SLC30A6: variants seen among roughly 807,000 people sequenced by gnomAD.
SLC30A6 encodes solute carrier family 30 member 6.
In SLC30A6, 55 loss-of-function variants were observed where a neutral mutation model predicts 63.0. The ratio of observed to expected loss-of-function variants is 0.87; its 90% CI spans 0.70 to 1.09. The LOEUF is 1.09. Among genes scored for constraint, SLC30A6 ranks in the 50% least tolerant of loss-of-function variants. SLC30A6 has a pLI of 0.00. For synonymous variants in SLC30A6, 224 were observed against 186.1 expected (o/e 1.20, Z -1.66); for missense variants, 587 against 549.2 (o/e 1.07, Z -0.69).
intron 4 of SLC30A6, among the ~76,000 whole-genome samples, chr2:32,175,776 G>A (rs1005420906): frequency 3.3e-5 from 5 of 152,128 alleles, no homozygotes; most frequent in African/African-American, 4.8e-5. Flanking sequence ...AGGAGTTTAC[G>A]ACCAGCCTGG....
chr2:32,201,529 T>C (rs1056002366), intron 10 of SLC30A6: 3 of 739,722 alleles, frequency 4.1e-6, no homozygotes, highest in Non-Finnish European at 4.2e-6. Flanking sequence ...TGCCCCTGTT[T>C]CCTTTCACGT....
At chr2:32,167,656 A>T (rs1474839822) in intron 1 of SLC30A6, among the ~76,000 whole-genome samples, 1 of 150,408 alleles carries the variant, frequency 6.6e-6, no homozygotes, top group Non-Finnish European at 1.5e-5. Flanking sequence ...GTGCTTTTAT[A>T]TGCACAAACA....
chr2:32,210,591 A>T (rs977778326), intron 13 of SLC30A6, among the ~76,000 whole-genome samples: 8 of 151,476 alleles, frequency 5.3e-5, no homozygotes, highest in Non-Finnish European at 7.4e-5. Flanking sequence ...TGTTTAATTA[A>T]TTTATCATGA....
At chr2:32,184,410 G>T in intron 5 of SLC30A6, 72 bp downstream of exon 5, 1 of 817,000 alleles carries the variant, frequency 1.2e-6, no homozygotes, top group Non-Finnish European at 1.8e-6. Context: ...ACGATAAAGA[G>T]CTAGCTAGAG....
Position 32,197,543 on chromosome 2 carries a change from C to T in SLC30A6, c.545+151C>T, listed in dbSNP as rs531306378. 214 of 1,292,564 alleles carry T rather than the reference C, an allele frequency of 1.7e-4. 1 individual carries two copies. Among genetic ancestry groups the T allele is most frequent in the Non-Finnish European group, 1.6e-4 (143 of 922,110 alleles). The allele number at this position is 1,292,564 out of a possible 1,614,324, so 80.1% of individuals were successfully genotyped here. A position where few individuals can be genotyped will look rare whatever the true frequency, so the allele number is the denominator to read the frequency against. ...TTCTCCCTTTACTTTTTAATTGATA[C>T]AAAAGAGAACTTTATAAATGAAAGG... On this transcript the variant is annotated intron_variant, in intron 9 of 13. Transcript: ENST00000282587.
intron 4 of SLC30A6, among the ~76,000 whole-genome samples, chr2:32,177,254 C>A (rs1681837586): frequency 6.6e-6 from 1 of 152,170 alleles, no homozygotes; most frequent in South Asian, 2.1e-4. Context: ...AATATACAGT[C>A]CTTTATGACT....
intron 13 of SLC30A6, among the ~76,000 whole-genome samples, chr2:32,214,198 G>A (rs1197409893): frequency 2.0e-5 from 3 of 152,094 alleles, no homozygotes; most frequent in Non-Finnish European, 4.4e-5. Flanking sequence ...GCCTCCCAAA[G>A]TGCTGGGATT....
chr2:32,224,302 T>C lies in SLC30A6; in HGVS notation c.*3589T>C. On this transcript the variant is annotated 3_prime_UTR_variant, in exon 14 of 14. Coordinates refer to ENST00000282587, the MANE Select transcript of SLC30A6 (RefSeq NM_017964.5). ...AATGAGAATTCCTTCAAGGCGCCGA[T>C]AATCCTAGTAGGAGAGCTAAGACAC... 5.5e-6 allele frequency: 3 copies of C among 542,254 alleles called. No homozygotes were observed. The South Asian group carries it at 8.7e-5, about 16-fold the overall frequency. The allele number at this position is 542,254 out of a possible 1,614,324, so 33.6% of individuals were successfully genotyped here.
chr2:32,197,693 T>A lies in SLC30A6; in HGVS notation c.546-14T>A. 1 of 1,613,916 alleles carries A rather than the reference T, an allele frequency of 6.2e-7. No individual in the cohort carries two copies. Among genetic ancestry groups the A allele is most frequent in the Non-Finnish European group, 8.5e-7 (1 of 1,179,962 alleles). On this transcript the variant is annotated splice_polypyrimidine_tract_variant and intron_variant, in intron 9 of 13. Coordinates refer to ENST00000282587, the MANE Select transcript of SLC30A6 (RefSeq NM_017964.5). ...TTCTGCTAATGGATACTCTTTCTGT[T>A]TGTTTTTTCTTAGCTTGTGTGGAAT... is the stretch of plus-strand genomic sequence containing the variant.
intron 13 of SLC30A6, among the ~76,000 whole-genome samples, chr2:32,213,365 A>G (rs759859984): frequency 1.8e-4 from 26 of 148,016 alleles, no homozygotes; most frequent in Non-Finnish European, 2.8e-4. Context: ...TAGGGCTCAG[A>G]CTATTCCAGC....
At chr2:32,210,122 T>C (rs1014569186) in intron 13 of SLC30A6, among the ~76,000 whole-genome samples, 1 of 152,214 alleles carries the variant, frequency 6.6e-6, no homozygotes, top group Non-Finnish European at 1.5e-5. Flanking sequence ...TTAGGAATGA[T>C]GAGGAAAATA....
intron 13 of SLC30A6, among the ~76,000 whole-genome samples, chr2:32,215,195 T>G (rs995714961): frequency 6.6e-6 from 1 of 152,118 alleles, no homozygotes; most frequent in Non-Finnish European, 1.5e-5. Context: ...TATTTAATTT[T>G]ATTTACTCTC....
chr2:32,212,409 C>G (rs1401252692), intron 13 of SLC30A6, among the ~76,000 whole-genome samples: 1 of 151,750 alleles, frequency 6.6e-6, no homozygotes, highest in Non-Finnish European at 1.5e-5. Context: ...GGATTTGACC[C>G]TCTCTTCTTT....
intron 1 of SLC30A6, among the ~76,000 whole-genome samples, chr2:32,168,008 G>A (rs980642938): frequency 3.9e-5 from 6 of 152,152 alleles, no homozygotes; most frequent in Non-Finnish European, 7.3e-5. Context: ...GCTTTGTAGC[G>A]TGCCTGGCCC....
In SLC30A6 at chr2:32,210,655, T is replaced by C. The variant is rs78447051; in HGVS notation, c.885+1094T>C. Among the ~76,000 whole-genome samples, 11 of 151,332 alleles carry C rather than the reference T, an allele frequency of 7.3e-5. No individual in the cohort carries two copies. In the East Asian group the frequency reaches 2.1e-3, roughly 29 times the overall value. On this transcript the variant is annotated intron_variant, in intron 13 of 13. Transcript: ENST00000282587. ...CTACAGTATCATTAAAAAAAACAGA[T>C]AGGGTTTGATTTTTCTAATATAACA...
At chr2:32,209,686 T>C in intron 13 of SLC30A6, 125 bp downstream of exon 13, 1 of 762,632 alleles carries the variant, frequency 1.3e-6, no homozygotes, top group East Asian at 2.9e-5. Context: ...TTAAGCAGAG[T>C]CTAAAATGTA....
rs547100512 is a variant in SLC30A6, at chr2:32,191,985, G to A, written c.285-351G>A. On this transcript the variant is annotated intron_variant, in intron 5 of 13. Transcript: ENST00000282587. ...TGGGTCAATTAAGTGTTATTATTAT[G>A]ATTGTGATTATTTCTAGAAAATAAG... Among the ~76,000 whole-genome samples the A allele has an allele frequency of 4.3e-4, 66 of 151,968 alleles. 1 individual carries two copies. Among genetic ancestry groups the A allele is most frequent in the African/African-American group, 1.6e-3 (65 of 41,458 alleles).
intron 2 of SLC30A6, among the ~76,000 whole-genome samples, chr2:32,172,631 A>G (rs1174379794): frequency 6.6e-6 from 1 of 152,154 alleles, no homozygotes; most frequent in South Asian, 2.1e-4. Flanking sequence ...ACTTGCATCT[A>G]AGCAACTGAA....
At chr2:32,198,452 A>C (rs1683987562) in intron 10 of SLC30A6, among the ~76,000 whole-genome samples, 1 of 152,008 alleles carries the variant, frequency 6.6e-6, no homozygotes, top group African/African-American at 2.4e-5. Flanking sequence ...CTTTAACTGA[A>C]CCTATTTTCC....
Sources: gnomAD v4.1 joint callset for allele counts (sites outside exome capture counted in the v4.1 genomes callset) on GRCh38, gnomAD v4.1.1 for gene constraint, MANE v1.5 for transcripts, NCBI Gene and HGNC (gene_info 2026-07-23, HGNC 2026-07-21) for gene names.